Variants in CYS1 observed in about 807,000 individuals in gnomAD.
The protein encoded by CYS1 is cystin 1.
In CYS1, 5 loss-of-function variants were observed where a neutral mutation model predicts 9.6. That is an observed-to-expected ratio of 0.52 (90% CI 0.27 to 1.10). CYS1 has a LOEUF of 1.10. CYS1 is among the 50% of genes least tolerant of loss of function. CYS1 has a pLI of 0.11. For missense variants in CYS1, 221 were observed against 207.9 expected, an observed-to-expected ratio of 1.06 and a Z score of -0.39; for synonymous variants, 88 against 95.7, an observed-to-expected ratio of 0.92 and a Z score of 0.47.
In CYS1 at chr2:10,063,620, C is replaced by CTGGAGGGG. The variant is rs1451846349; in HGVS notation, c.371+2283_371+2284insCCCCTCCA. Among the ~76,000 whole-genome samples, 1 of 152,120 alleles carries CTGGAGGGG rather than the reference C, an allele frequency of 6.6e-6. No homozygotes were observed. Among genetic ancestry groups the CTGGAGGGG allele is most frequent in the East Asian group, 1.9e-4 (1 of 5,184 alleles). ...CCTGCCTGGGAGGGTGAGGGTGACA[C>CTGGAGGGG]TGGAGGGAGGAGATTGAAGGGCGGG... On this transcript the variant is annotated intron_variant, in intron 2 of 2. Coordinates refer to ENST00000381813, the MANE Select transcript of CYS1 (RefSeq NM_001037160.3). This position sits in a 1 kb window ranked among gnomAD's most constrained non-coding sequence, Gnocchi z 4.2.
chr2:10,064,410 A>G (rs1661667221), intron 2 of CYS1, among the ~76,000 whole-genome samples: 1 of 152,056 alleles, frequency 6.6e-6, no homozygotes, highest in Non-Finnish European at 1.5e-5. Context: ...GGGCTGATGG[A>G]AACTCTAAAG....
chr2:10,074,277 G>C (rs1251795631), intron 1 of CYS1, among the ~76,000 whole-genome samples: 2 of 152,200 alleles, frequency 1.3e-5, no homozygotes, highest in South Asian at 4.1e-4. Context: ...ACAAAACTAG[G>C]CCCATCCTGT....
At chr2:10,065,241 T>C (rs889322168) in intron 2 of CYS1, among the ~76,000 whole-genome samples, 2 of 152,190 alleles carry the variant, frequency 1.3e-5, no homozygotes, top group African/African-American at 4.8e-5. Flanking sequence ...CTGAAATCAT[T>C]TGTAATTAAG....
rs980308498 is a variant in CYS1, at chr2:10,063,853, G to A, written c.371+2051C>T. Among the ~76,000 whole-genome samples the A allele has an allele frequency of 5.3e-5, 8 of 152,220 alleles. No individual in the cohort carries two copies. The highest frequency in any genetic ancestry group is 1.7e-4 in the African/African-American group (7 of 41,448). On this transcript the variant is annotated intron_variant, in intron 2 of 2. Transcript: ENST00000381813. The surrounding 1 kb of genome is among the most constrained non-coding windows in gnomAD (Gnocchi z 4.2). ...GGGGCTTCCTTCCTGGTGGAAGCAC[G>A]GTGCTGGAGGGGCTGACAGAGCCCT...
chr2:10,058,973 T>C lies in CYS1; in HGVS notation c.372-15A>G, dbSNP rs372923434. 6.4e-7 allele frequency: 1 copy of C among 1,567,938 alleles called. No individual in the cohort carries two copies. On this transcript the variant is annotated splice_polypyrimidine_tract_variant and intron_variant, in intron 2 of 2. Transcript: ENST00000381813. ...TGCCTGGGGCTCTGTGGGTCAGAAA[T>C]GGGACAGGGCTGTCAGGAGGCAGGA...
Position 10,058,757 on chromosome 2 carries a change from G to A in CYS1, c.*96C>T. 9.4e-7 allele frequency: 1 copy of A among 1,061,314 alleles called. No individual in the cohort carries two copies. The highest frequency in any genetic ancestry group is 1.3e-6 in the Non-Finnish European group (1 of 741,342). 65.7% of individuals were successfully genotyped at this position (1,061,314 alleles called of 1,614,324 possible). A position where few individuals can be genotyped will look rare whatever the true frequency, so the allele number is the denominator to read the frequency against. ...GAATATCCGGGAGTGACTGCGTTTT[G>A]GAGGTGGTTCAGCTCCTGCTAGAGC... On this transcript the variant is annotated 3_prime_UTR_variant, in exon 3 of 3. Coordinates refer to ENST00000381813, the MANE Select transcript of CYS1 (RefSeq NM_001037160.3).
chr2:10,059,169 C>A (rs147307671), intron 2 of CYS1, among the ~76,000 whole-genome samples: 4 of 152,254 alleles, frequency 2.6e-5, no homozygotes, highest in Non-Finnish European at 5.9e-5. Context: ...GCTGAGCCCT[C>A]GCAGAGTGGA....
intron 1 of CYS1, among the ~76,000 whole-genome samples, chr2:10,068,605 A>G (rs981266480): frequency 3.3e-5 from 5 of 152,204 alleles, no homozygotes; most frequent in African/African-American, 1.2e-4. Flanking sequence ...AACTTCCTAG[A>G]GCTTGCAAGA....
intron 2 of CYS1, 152 bp downstream of exon 2, chr2:10,065,752 T>A (rs952153176): frequency 1.4e-6 from 1 of 731,164 alleles, no homozygotes; most frequent in South Asian, 1.6e-5. Context: ...GACCTTCCCT[T>A]GAGGGCTAGG....
chr2:10,073,221 C>CTA (rs1558360570), intron 1 of CYS1, among the ~76,000 whole-genome samples: 1 of 141,036 alleles, frequency 7.1e-6, no homozygotes, highest in Non-Finnish European at 1.6e-5. Flanking sequence ...CCCCCCCCCC[C>CTA]CCCCGGCTGT....
chr2:10,057,565 A>G lies in CYS1; in HGVS notation c.*1288T>C, dbSNP rs1661567347. The G allele has an allele frequency of 6.6e-6, 1 of 152,378 alleles. No individual in the cohort carries two copies. The highest frequency in any genetic ancestry group is 1.5e-5 in the Non-Finnish European group (1 of 68,148). 9.4% of individuals were successfully genotyped at this position (152,378 alleles called of 1,614,324 possible). A position where few individuals can be genotyped will look rare whatever the true frequency, so the allele number is the denominator to read the frequency against. On this transcript the variant is annotated 3_prime_UTR_variant, in exon 3 of 3. Coordinates refer to ENST00000381813, the MANE Select transcript of CYS1 (RefSeq NM_001037160.3). ...GGGGAGGCCTCCGTGTGGGCGGGTC[A>G]AGCCAGATAACCAGGCTTGTACTGG...
chr2:10,071,232 G>A (rs936269109), intron 1 of CYS1, among the ~76,000 whole-genome samples: 5 of 152,240 alleles, frequency 3.3e-5, no homozygotes, highest in Admixed American at 6.5e-5. Context: ...CTCCCAAAGT[G>A]CGGGGATTAC....
chr2:10,065,804 G>A, intron 2 of CYS1, 100 bp downstream of exon 2: 1 of 1,169,028 alleles, frequency 8.6e-7, no homozygotes, highest in Non-Finnish European at 1.3e-6. Flanking sequence ...ACCTCGTGAG[G>A]ACCTGGAGGA....
rs1320018875 is a variant in CYS1, at chr2:10,080,178, G to A, written c.46C>T (p.Arg16Cys). ...CCCGCGGGGAGGCTCTCGGGGCTGCGCCGCCGCCTCAGAGTCCGGCTGCTC... is the reference window on the plus strand; with the variant it reads ...CCCGCGGGGAGGCTCTCGGGGCTGCACCGCCGCCTCAGAGTCCGGCTGCTC... The part of the protein sequence containing the change: ...SRSSRTLRRR[R>C]SPESLPAGPG... The change falls in exon 1 of 3, where the codon CGC becomes TGC. Residue 16 changes from arginine to cysteine, a missense_variant. Arg to Cys is a radical substitution (Grantham distance 180, BLOSUM62 -3). Transcript: ENST00000381813. The surrounding 1 kb of genome is among the most constrained non-coding windows in gnomAD (Gnocchi z 6.4). The A allele has an allele frequency of 1.9e-6, 2 of 1,070,002 alleles. No homozygotes were observed. The highest frequency in any genetic ancestry group is 2.3e-6 in the Non-Finnish European group (2 of 886,510). The allele number at this position is 1,070,002 out of a possible 1,614,324, so 66.3% of individuals were successfully genotyped here.
chr2:10,078,178 ACCT>A (rs902724432), intron 1 of CYS1, among the ~76,000 whole-genome samples: 4 of 151,546 alleles, frequency 2.6e-5, no homozygotes, highest in African/African-American at 9.7e-5. Flanking sequence ...CAGCTGGCTG[ACCT>A]CCTCAACAAT....
At chr2:10,060,278 C>T (rs546618518) in intron 2 of CYS1, among the ~76,000 whole-genome samples, 1 of 152,380 alleles carries the variant, frequency 6.6e-6, no homozygotes, top group Admixed American at 6.5e-5. Flanking sequence ...GCTAGCCGCC[C>T]CCCATTTCCC....
At chr2:10,072,879 G>A (rs1223805638) in intron 1 of CYS1, among the ~76,000 whole-genome samples, 1 of 152,144 alleles carries the variant, frequency 6.6e-6, no homozygotes, top group African/African-American at 2.4e-5. Context: ...GAGCGGTGCA[G>A]GCAGGCTGTG....
intron 1 of CYS1, among the ~76,000 whole-genome samples, chr2:10,078,705 T>C (rs868177759): frequency 6.6e-6 from 1 of 152,204 alleles, no homozygotes; most frequent in Non-Finnish European, 1.5e-5. Flanking sequence ...TGCTTTCTAC[T>C]TTCCCCCATC....
Position 10,065,966 on chromosome 2 carries a change from G to C in CYS1, c.319-10C>G, listed in dbSNP as rs768187384. The C allele has an allele frequency of 6.2e-7, 1 of 1,614,178 alleles. No individual in the cohort carries two copies. The highest frequency in any genetic ancestry group is 1.7e-5 in the Admixed American group (1 of 60,020). On this transcript the variant is annotated splice_polypyrimidine_tract_variant and intron_variant, in intron 1 of 2. Transcript: ENST00000381813. ...TCTGCTCTGCGCACACCTTGAGAAA[G>C]ATGAAATGAAGAGACATTCAAAGAT...
Sources: gnomAD v4.1 joint callset for allele counts (sites outside exome capture counted in the v4.1 genomes callset) on GRCh38, gnomAD v4.1.1 for gene constraint, Gnocchi (gnomAD v3.1) non-coding constraint, MANE v1.5 for transcripts, NCBI Gene and HGNC (gene_info 2026-07-23, HGNC 2026-07-21) for gene names.